Variants in ZC3H14 observed in about 807,000 individuals in gnomAD.
ZC3H14 encodes zinc finger CCCH-type containing 14, also known as zinc finger CCCH domain-containing protein 14.
In ZC3H14, 31 loss-of-function variants were observed where a neutral mutation model predicts 92.4. The observed-to-expected ratio is 0.34, with a 90% CI of 0.25 to 0.45. ZC3H14 has a LOEUF of 0.45. ZC3H14 is among the 20% of genes least tolerant of loss of function. The pLI is 1.00. For synonymous variants in ZC3H14, 321 were observed against 300.9 expected (o/e 1.07, Z -0.69); for missense variants, 781 against 897.3 (o/e 0.87, Z 1.66).
At chr14:88,571,339 C>T (rs961814383) in intron 4 of ZC3H14, among the ~76,000 whole-genome samples, 6 of 151,714 alleles carry the variant, frequency 4.0e-5, no homozygotes, top group African/African-American at 7.3e-5. Flanking sequence ...GCACTTTATC[C>T]GAAGGAAATA....
intron 16 of ZC3H14, 53 bp downstream of exon 16, chr14:88,610,993 TTGCAGTTTCTA>T (rs1419955604): frequency 1.1e-5 from 17 of 1,547,672 alleles, no homozygotes; most frequent in Non-Finnish European, 1.4e-5. Flanking sequence ...TTTTTCTAAT[TTGCAGTTTCTA>T]AATTTATAAG....
chr14:88,575,507 A>T (rs1022829180), intron 7 of ZC3H14, among the ~76,000 whole-genome samples: 1 of 152,098 alleles, frequency 6.6e-6, no homozygotes, highest in Non-Finnish European at 1.5e-5. Flanking sequence ...AGCCTGGGCG[A>T]TGTAATGAGT....
chr14:88,609,959 G>C (rs1331010969), intron 15 of ZC3H14, among the ~76,000 whole-genome samples, 156 bp downstream of exon 15: 1 of 152,114 alleles, frequency 6.6e-6, no homozygotes, highest in African/African-American at 2.4e-5. Context: ...ACCTCCATCT[G>C]GCCCCTTAGG....
chr14:88,616,788 G>A lies in ZC3H14; in HGVS notation c.*5037G>A, dbSNP rs1179638039. The A allele has an allele frequency of 1.2e-6, 2 of 1,613,788 alleles. No individual in the cohort carries two copies. The highest frequency in any genetic ancestry group is 2.7e-5 in the African/African-American group (2 of 74,902). On this transcript the variant is annotated 3_prime_UTR_variant, in exon 17 of 17. Transcript: ENST00000251038. ...ATGCCAAAGTCATCTCCTGTAACAA[G>A]ACTGATTCCTGAATGAGATACACAG...
intron 6 of ZC3H14, 97 bp downstream of exon 6, chr14:88,573,104 G>A (rs2080661239): frequency 7.2e-7 from 1 of 1,395,762 alleles, no homozygotes; most frequent in South Asian, 1.2e-5. Context: ...TCCAAGGCTG[G>A]GCACAGTGGC....
At chr14:88,592,971 C>A (rs1417945334) in intron 9 of ZC3H14, among the ~76,000 whole-genome samples, 1 of 140,594 alleles carries the variant, frequency 7.1e-6, no homozygotes, top group Non-Finnish European at 1.5e-5. Flanking sequence ...CTTTACTATT[C>A]TTTTTTTTTT....
chr14:88,620,266 T>G lies in ZC3H14; in HGVS notation c.*8515T>G, dbSNP rs562422231. 1 of 152,416 alleles carries G rather than the reference T, an allele frequency of 6.6e-6. No homozygotes were observed. The highest frequency in any genetic ancestry group is 2.4e-5 in the African/African-American group (1 of 41,470). The allele number at this position is 152,416 out of a possible 1,614,324, so 9.4% of individuals were successfully genotyped here. On this transcript the variant is annotated 3_prime_UTR_variant, in exon 17 of 17. Transcript: ENST00000251038. The surrounding 1 kb of genome is among the most constrained non-coding windows in gnomAD (Gnocchi z 4.3). ...ATGGTAGCCACTGTTGAAAAATGCT[T>G]AAGCACTGAAAAACAAAGGTTTAAG...
rs1173283178 is a variant in ZC3H14 at position 88,568,157 on chromosome 14, T to C, written c.194+4T>C. On this transcript the variant is annotated splice_donor_region_variant and intron_variant, in intron 3 of 16. Coordinates refer to ENST00000251038, the MANE Select transcript of ZC3H14 (RefSeq NM_024824.5). ...ACACAATTCGATTCACCGTATGGTA[T>C]GTTTCTGAATTTTTGTGCCTCAGAC... 1.2e-6 allele frequency: 2 copies of C among 1,613,116 alleles called. No individual in the cohort carries two copies.
At chr14:88,601,786 T>C (rs1477456894) in intron 10 of ZC3H14, 138 bp from the exon 11 acceptor site, 4 of 1,033,930 alleles carry the variant, frequency 3.9e-6, no homozygotes, top group Non-Finnish European at 5.6e-6. Context: ...AGCCCTGTTT[T>C]CCTGAGTGGA....
chr14:88,581,846 TCTAA>T (rs1257547258), intron 9 of ZC3H14, among the ~76,000 whole-genome samples: 6 of 152,148 alleles, frequency 3.9e-5, no homozygotes, highest in African/African-American at 2.4e-5. Flanking sequence ...AAAAATAAGC[TCTAA>T]CTAGTCACCT....
Position 88,572,816 on chromosome 14 carries a change from G to T in ZC3H14, c.670G>T (p.Asp224Tyr). 6.2e-7 allele frequency: 1 copy of T among 1,614,212 alleles called. No homozygotes were observed. The change falls in exon 6 of 17, where the codon GAT becomes TAT. Residue 224 changes from aspartate (D) to tyrosine (Y), a missense_variant. Coordinates refer to ENST00000251038, the MANE Select transcript of ZC3H14 (RefSeq NM_024824.5). ...IYRPPASRNA[D>Y]SGVHLNRLQF... The stretch of plus-strand genomic sequence containing the variant: ...TCGACCACCTGCAAGTAGAAATGCA[G>T]ATAGTGGTGTTCATTTAAACAGGTT...
At chr14:88,593,501 C>T (rs1405060848) in intron 9 of ZC3H14, among the ~76,000 whole-genome samples, 1 of 152,154 alleles carries the variant, frequency 6.6e-6, no homozygotes, top group Non-Finnish European at 1.5e-5. Context: ...GTAATGAAGA[C>T]TGTGTGGTAC....
At chr14:88,580,594 A>G (rs1331639475) in intron 9 of ZC3H14, among the ~76,000 whole-genome samples, 2 of 152,228 alleles carry the variant, frequency 1.3e-5, no homozygotes, top group Non-Finnish European at 1.5e-5. Flanking sequence ...ATAATAGGCA[A>G]TAGAAATACA....
At chr14:88,597,714 G>A (rs2084039152) in intron 10 of ZC3H14, among the ~76,000 whole-genome samples, 1 of 152,172 alleles carries the variant, frequency 6.6e-6, no homozygotes, top group Non-Finnish European at 1.5e-5. Flanking sequence ...CTCTGCCCGT[G>A]ATTTTGCTCT....
At chr14:88,570,256 T>G (rs1322344562) in intron 3 of ZC3H14, among the ~76,000 whole-genome samples, 1 of 152,162 alleles carries the variant, frequency 6.6e-6, no homozygotes, top group East Asian at 1.9e-4. Flanking sequence ...TTTGGAGCCT[T>G]GAAGTAATTG....
rs2088964501 is a variant in ZC3H14, at chr14:88,621,657, A to G, written c.*9906A>G. On this transcript the variant is annotated 3_prime_UTR_variant, in exon 17 of 17. Transcript: ENST00000251038. ...AAATAATAGAATTTATTTTTTAGTTAAAAAGTAAAAGCTTAACTACAATTT... is the reference window on the plus strand; with the variant it reads ...AAATAATAGAATTTATTTTTTAGTTGAAAAGTAAAAGCTTAACTACAATTT... The G allele has an allele frequency of 3.4e-6, 1 of 290,874 alleles. No homozygotes were observed. Among genetic ancestry groups the G allele is most frequent in the African/African-American group, 2.2e-5 (1 of 46,058 alleles). The allele number at this position is 290,874 out of a possible 1,614,324, so 18.0% of individuals were successfully genotyped here. A position where few individuals can be genotyped will look rare whatever the true frequency, so the allele number is the denominator to read the frequency against.
chr14:88,566,417 T>G (rs1269363719), intron 2 of ZC3H14, among the ~76,000 whole-genome samples: 4 of 152,132 alleles, frequency 2.6e-5, no homozygotes, highest in Non-Finnish European at 5.9e-5. Flanking sequence ...TGCTGGGCAC[T>G]TTCATAAACG....
intron 3 of ZC3H14, among the ~76,000 whole-genome samples, chr14:88,569,455 T>C (rs1386056288): frequency 6.6e-6 from 1 of 152,230 alleles, no homozygotes; most frequent in Non-Finnish European, 1.5e-5. Context: ...ATTACTGTTA[T>C]ATGCCTTTAG....
At position 88,609,723 on chromosome 14, in the gene ZC3H14, C is replaced by T; in HGVS notation, c.2017C>T (p.Pro673Ser). ...TTTTATTTTGTTAGCAGTTGCACCA[C>T]CAGCACCACCTTCCAGTAGTCAGCT... ...VLSPKPAVAP[P>S]APPSSSQLCR... Residue 673 changes from proline (P) to serine (S), a missense_variant, in exon 15 of 17, where the codon CCA becomes TCA. Transcript: ENST00000251038. 1.2e-6 allele frequency: 2 copies of T among 1,614,146 alleles called. No individual in the cohort carries two copies. The highest frequency in any genetic ancestry group is 2.2e-5 in the East Asian group (1 of 44,872).
Sources: allele counts gnomAD v4.1 joint callset (sites outside exome capture counted in the v4.1 genomes callset), GRCh38; gene constraint gnomAD v4.1.1; non-coding constraint Gnocchi (gnomAD v3.1); transcripts MANE v1.5; gene names NCBI Gene and HGNC (gene_info 2026-07-23, HGNC 2026-07-21).